Variants in EPHA3 observed in about 807,000 individuals in gnomAD.
The protein encoded by EPHA3 is EPH receptor A3.
EPHA3 carries 42 observed loss-of-function variants against 107.1 expected under a neutral mutation model. That is an observed-to-expected ratio of 0.39 (90% CI 0.31 to 0.51). The LOEUF (loss-of-function observed/expected upper bound fraction) is 0.51, where lower values mean the gene tolerates loss of function less well. EPHA3 is among the 20% of genes least tolerant of loss of function. The pLI, the probability that EPHA3 is intolerant of heterozygous loss-of-function variation, is 0.78. For missense variants in EPHA3, 1,183 were observed against 1,211.2 expected (o/e 0.98, Z 0.35); for synonymous variants, 461 against 424.8 (o/e 1.09, Z -1.05).
chr3:89,228,062 G>T (rs1192223408), intron 3 of EPHA3, among the ~76,000 whole-genome samples: 14 of 151,472 alleles, frequency 9.2e-5, no homozygotes, highest in South Asian at 8.5e-4. Flanking sequence ...TGATAACATT[G>T]CAGAGTAGAT....
intron 5 of EPHA3, among the ~76,000 whole-genome samples, chr3:89,363,316 A>G (rs996658437): frequency 6.6e-6 from 1 of 150,424 alleles, no homozygotes; most frequent in South Asian, 2.1e-4. Flanking sequence ...GAGAGAGTTT[A>G]AGGAATAGGC....
At chr3:89,221,103 T>C (rs373352729) in intron 3 of EPHA3, among the ~76,000 whole-genome samples, 34 of 152,324 alleles carry the variant, frequency 2.2e-4, no homozygotes, top group African/African-American at 7.9e-4. Context: ...GTGGGACCAC[T>C]GTTTCCTATG....
chr3:89,372,655 A>C (rs1708330418), intron 5 of EPHA3, among the ~76,000 whole-genome samples: 2 of 151,788 alleles, frequency 1.3e-5, no homozygotes, highest in South Asian at 4.1e-4. Flanking sequence ...ATGTGTTTTA[A>C]ATCAAATGAA....
intron 3 of EPHA3, among the ~76,000 whole-genome samples, chr3:89,315,373 C>T (rs1181141903): frequency 1.3e-5 from 2 of 151,700 alleles, no homozygotes; most frequent in Non-Finnish European, 2.9e-5. Flanking sequence ...TGTGATGAGA[C>T]GTGGTGTAAG....
At chr3:89,112,766 A>T (rs1343722960) in intron 1 of EPHA3, among the ~76,000 whole-genome samples, 2 of 152,004 alleles carry the variant, frequency 1.3e-5, no homozygotes, top group East Asian at 1.9e-4. Context: ...TACTAAAAAA[A>T]ATCTGTGATC....
chr3:89,415,970 T>TG (rs571226147), intron 10 of EPHA3, among the ~76,000 whole-genome samples: 2 of 151,410 alleles, frequency 1.3e-5, no homozygotes, highest in Non-Finnish European at 3.0e-5. Context: ...TTCTTCATAG[T>TG]ATTTTTTTTT....
chr3:89,269,741 C>T (rs1476857233), intron 3 of EPHA3, among the ~76,000 whole-genome samples: 1 of 131,468 alleles, frequency 7.6e-6, no homozygotes, highest in African/African-American at 2.6e-5. Context: ...TCTCCCAATG[C>T]TATCCCTCCC....
At chr3:89,133,624 T>A (rs34992749) in intron 2 of EPHA3, among the ~76,000 whole-genome samples, 19,059 of 152,174 alleles carry the variant, frequency 0.13, 1,242 homozygotes, top group Middle Eastern at 0.18. Context: ...GGCAAAACTA[T>A]GTAGCCCAAT....
intron 5 of EPHA3, among the ~76,000 whole-genome samples, chr3:89,355,175 G>A (rs1383629618): frequency 6.6e-6 from 1 of 150,996 alleles, no homozygotes; most frequent in East Asian, 1.9e-4. Context: ...AGCTTTAAAG[G>A]CAAGGCCATG....
chr3:89,473,988 T>G (rs548788283), intron 16 of EPHA3, among the ~76,000 whole-genome samples: 2 of 152,250 alleles, frequency 1.3e-5, no homozygotes, highest in Admixed American at 6.5e-5. Context: ...CCCCCAAGTT[T>G]AAGTATTATC....
At chr3:89,373,431 A>G (rs1365732942) in intron 5 of EPHA3, among the ~76,000 whole-genome samples, 2 of 151,876 alleles carry the variant, frequency 1.3e-5, no homozygotes, top group African/African-American at 2.4e-5. Context: ...TCCAACATCC[A>G]TCTTACCTCA....
intron 2 of EPHA3, among the ~76,000 whole-genome samples, chr3:89,192,427 A>G (rs1200017309): frequency 6.6e-6 from 1 of 151,964 alleles, no homozygotes; most frequent in East Asian, 1.9e-4. Context: ...AAACTATAAT[A>G]ATAAATATAA....
intron 3 of EPHA3, among the ~76,000 whole-genome samples, chr3:89,313,233 A>G (rs1424327761): frequency 6.6e-6 from 1 of 151,994 alleles, no homozygotes; most frequent in Non-Finnish European, 1.5e-5. Context: ...AATTTAAAGT[A>G]TCTATCATTT....
At chr3:89,191,613 G>C (rs1464961339) in intron 2 of EPHA3, among the ~76,000 whole-genome samples, 1 of 151,998 alleles carries the variant, frequency 6.6e-6, no homozygotes. Flanking sequence ...AATATATCTT[G>C]TAACAATATT....
Position 89,219,688 on chromosome 3 carries a change from G to GTGTTTTTTTTTTTTTTTTTT in EPHA3, c.814+9169_814+9170insGTTTTTTTTTTTTTTTTTTT. Among the ~76,000 whole-genome samples the GTGTTTTTTTTTTTTTTTTTT allele has an allele frequency of 7.0e-3, 242 of 34,436 alleles. 104 individuals carry two copies. The highest frequency in any genetic ancestry group is 0.011 in the Non-Finnish European group (206 of 19,120). The allele number at this position is 34,436 out of a possible 152,430, so 22.6% of individuals were successfully genotyped here. On this transcript the variant is annotated intron_variant, in intron 3 of 16. Transcript: ENST00000336596. ...TTACCTCCAAGAGGCATTTGGCAATGTTTTTTTTTTTTTTGTTTTTTGTTT... is the reference window on the plus strand; with the variant it reads ...TTACCTCCAAGAGGCATTTGGCAATGTGTTTTTTTTTTTTTTTTTTTTTTTTTTTTTTTTGTTTTTTGTTT...
chr3:89,477,827 C>T (rs1192875228), intron 16 of EPHA3, among the ~76,000 whole-genome samples: 3 of 140,502 alleles, frequency 2.1e-5, no homozygotes, highest in East Asian at 4.0e-4. Context: ...AAACAGAGTA[C>T]GAGAAAAAAA....
intron 3 of EPHA3, among the ~76,000 whole-genome samples, chr3:89,275,933 T>C (rs12486971): frequency 0.15 from 23,188 of 152,052 alleles, 1,848 homozygotes; most frequent in Middle Eastern, 0.25. Context: ...ACCATATTTT[T>C]CATAACCCAG....
chr3:89,204,772 A>G (rs1402934313), intron 2 of EPHA3, among the ~76,000 whole-genome samples: 1 of 152,160 alleles, frequency 6.6e-6, no homozygotes, highest in African/African-American at 2.4e-5. Flanking sequence ...CATGCTTAAA[A>G]TGCTGCTGCC....
intron 3 of EPHA3, among the ~76,000 whole-genome samples, chr3:89,303,450 A>G (rs1706537781): frequency 6.6e-6 from 1 of 150,808 alleles, no homozygotes; most frequent in East Asian, 1.9e-4. Flanking sequence ...AAAGGCAAAA[A>G]AAAAAAAGAA....
Sources: gnomAD v4.1 joint callset for allele counts (sites outside exome capture counted in the v4.1 genomes callset) on GRCh38, gnomAD v4.1.1 for gene constraint, MANE v1.5 for transcripts, NCBI Gene and HGNC (gene_info 2026-07-23, HGNC 2026-07-21) for gene names.